NRG1: variants seen among roughly 807,000 people sequenced by gnomAD.
The protein encoded by NRG1 is neuregulin 1, also known as pro-neuregulin-1, membrane-bound isoform.
A neutral mutation model predicts 63.8 loss-of-function variants in NRG1; 18 were observed. That is an observed-to-expected ratio of 0.28 (90% CI 0.19 to 0.42). NRG1 has a LOEUF of 0.42. NRG1 is among the 10% of genes least tolerant of loss of function. The pLI is 1.00. For missense variants in NRG1, 762 were observed against 814.7 expected, an observed-to-expected ratio of 0.94 and a Z score of 0.79; for synonymous variants, 302 against 301.3, an observed-to-expected ratio of 1.00 and a Z score of -0.02.
At chr8:32,152,859 C>A (rs1229930764) in intron 1 of NRG1, among the ~76,000 whole-genome samples, 1 of 152,142 alleles carries the variant, frequency 6.6e-6, no homozygotes, top group Non-Finnish European at 1.5e-5. Context: ...GATAAATATA[C>A]ACGTGCACAC....
At chr8:31,839,233 A>C (rs574780394) in intron 1 of NRG1, among the ~76,000 whole-genome samples, 1 of 152,240 alleles carries the variant, frequency 6.6e-6, no homozygotes, top group East Asian at 1.9e-4. Context: ...TTCGTTGCCC[A>C]TTCTTGTTCT....
At chr8:32,424,069 G>T (rs1447249503) in intron 1 of NRG1, among the ~76,000 whole-genome samples, 1 of 152,112 alleles carries the variant, frequency 6.6e-6, no homozygotes, top group Non-Finnish European at 1.5e-5. Flanking sequence ...CAGCTATCCG[G>T]GTACATTCGG....
upstream of NRG1, among the ~76,000 whole-genome samples, chr8:32,543,919 C>G (rs898467331): frequency 2.0e-5 from 3 of 152,120 alleles, no homozygotes; most frequent in African/African-American, 7.2e-5. Flanking sequence ...CTAATAAACT[C>G]AACATGCATG....
chr8:32,128,876 C>A (rs1275691849), intron 1 of NRG1, among the ~76,000 whole-genome samples: 2 of 151,858 alleles, frequency 1.3e-5, no homozygotes, highest in African/African-American at 2.4e-5. Flanking sequence ...AATGTTCAAG[C>A]CTTCTCTTTT....
chr8:32,100,692 C>G (rs1830460143), intron 1 of NRG1, among the ~76,000 whole-genome samples: 1 of 151,894 alleles, frequency 6.6e-6, no homozygotes, highest in African/African-American at 2.4e-5. Context: ...AATGACAATG[C>G]TAAAAGCTAA....
chr8:32,354,273 G>C lies in NRG1; in HGVS notation c.38-241555G>C, dbSNP rs181647954. On this transcript the variant is annotated intron_variant, in intron 1 of 10. Transcript: ENST00000519301. ...AATCCCAGCTACTAGGGAGGCTGAG[G>C]CAGGAGAATCGCTAGAACCCGGGAG... 4.9e-3 allele frequency among the ~76,000 whole-genome samples: 747 copies of C among 152,272 alleles called. 5 individuals carry two copies. Among genetic ancestry groups the C allele is most frequent in the Non-Finnish European group, 9.2e-3 (626 of 68,028 alleles).
At chr8:32,453,587 A>G (rs1159033616) in intron 1 of NRG1, among the ~76,000 whole-genome samples, 3 of 152,184 alleles carry the variant, frequency 2.0e-5, no homozygotes, top group African/African-American at 7.2e-5. Flanking sequence ...GAAAGAGTGA[A>G]CTATAAATGT....
At chr8:32,209,546 G>T (rs531098806) in intron 1 of NRG1, among the ~76,000 whole-genome samples, 4 of 151,874 alleles carry the variant, frequency 2.6e-5, no homozygotes, top group African/African-American at 9.7e-5. Flanking sequence ...CATGTAGCAG[G>T]GTTTAAAATA....
chr8:31,887,447 G>A (rs909466028), intron 1 of NRG1, among the ~76,000 whole-genome samples: 1 of 152,076 alleles, frequency 6.6e-6, no homozygotes, highest in East Asian at 1.9e-4. Flanking sequence ...TAGGGGTGGT[G>A]TGGATATTCT....
At chr8:32,320,249 A>C (rs1323457046) in intron 1 of NRG1, among the ~76,000 whole-genome samples, 1 of 152,160 alleles carries the variant, frequency 6.6e-6, no homozygotes, top group Non-Finnish European at 1.5e-5. Flanking sequence ...TCTTCCTTCC[A>C]TGTGCAAAAG....
At position 32,197,822 on chromosome 8, in the gene NRG1, T is replaced by C. The variant is rs116908815; in HGVS notation, c.38-398006T>C. ...CCTCCCTCTTCTGCATATTTTGAAC[T>C]TGCAAAGCCTTCTGATATTTTAAGC... On this transcript the variant is annotated intron_variant, in intron 1 of 10. Coordinates refer to the NRG1 transcript ENST00000519301. Among the ~76,000 whole-genome samples the C allele has an allele frequency of 4.0e-3, 616 of 152,322 alleles. 4 individuals carry two copies. Among genetic ancestry groups the C allele is most frequent in the Non-Finnish European group, 5.7e-3 (387 of 68,032 alleles).
At chr8:31,710,581 A>G (rs1047975387) in intron 1 of NRG1, among the ~76,000 whole-genome samples, 32 of 152,106 alleles carry the variant, frequency 2.1e-4, no homozygotes, top group Non-Finnish European at 4.1e-4. Flanking sequence ...CTCTTGAGTT[A>G]TACAATGTTG....
At chr8:32,702,369 T>A (rs10095607) in intron 5 of NRG1, among the ~76,000 whole-genome samples, 14,042 of 152,300 alleles carry the variant, frequency 0.092, 681 homozygotes, top group African/African-American at 0.11. Flanking sequence ...ATCACACTTG[T>A]ATGAAAATCA....
intron 1 of NRG1, among the ~76,000 whole-genome samples, chr8:32,091,257 G>A (rs183277237): frequency 1.0e-4 from 15 of 146,164 alleles, no homozygotes; most frequent in Admixed American, 3.4e-4. Context: ...CAGCCTAGGC[G>A]ACAGAGCGAG....
intron 1 of NRG1, among the ~76,000 whole-genome samples, chr8:32,489,762 G>A (rs745887123): frequency 2.1e-4 from 32 of 152,168 alleles, no homozygotes; most frequent in Non-Finnish European, 3.2e-4. Context: ...GGAAAATACA[G>A]CCAAGTTTTG....
intron 7 of NRG1, among the ~76,000 whole-genome samples, chr8:32,743,730 A>G (rs920614222): frequency 6.7e-6 from 1 of 148,480 alleles, no homozygotes; most frequent in Non-Finnish European, 1.5e-5. Context: ...TATTTGTCCT[A>G]TTGTGAACTG....
intron 1 of NRG1, among the ~76,000 whole-genome samples, chr8:32,389,650 C>T (rs1391684868): frequency 6.6e-6 from 1 of 152,138 alleles, no homozygotes; most frequent in East Asian, 1.9e-4. Flanking sequence ...CTCCTACTTT[C>T]TGGTCTTGTA....
In NRG1 at chr8:31,838,288, G is replaced by A. The variant is rs138701619; in HGVS notation, c.37+198857G>A. Among the ~76,000 whole-genome samples the A allele has an allele frequency of 2.4e-3, 358 of 152,088 alleles. 3 individuals are homozygous for A. Among genetic ancestry groups the A allele is most frequent in the African/African-American group, 8.2e-3 (340 of 41,508 alleles). ...CTTTGAGTCAACATCTCACTTTGTA[G>A]TCTCTTCCATGGAATCTGCCTATTC... On this transcript the variant is annotated intron_variant, in intron 1 of 10. Transcript: ENST00000519301.
chr8:32,567,009 A>G (rs539663905), intron 1 of NRG1, among the ~76,000 whole-genome samples: 1 of 152,038 alleles, frequency 6.6e-6, no homozygotes, highest in Non-Finnish European at 1.5e-5. Flanking sequence ...CACCCGGCTA[A>G]TTTTTGTATT....
Sources: allele counts gnomAD v4.1 joint callset (sites outside exome capture counted in the v4.1 genomes callset), GRCh38; gene constraint gnomAD v4.1.1; transcripts MANE v1.5; gene names NCBI Gene and HGNC (gene_info 2026-07-23, HGNC 2026-07-21).